Variants in UBE2E2 observed in about 807,000 individuals in gnomAD.
UBE2E2 encodes ubiquitin-conjugating enzyme E2 E2.
In UBE2E2, 6 loss-of-function variants were observed where a neutral mutation model predicts 24.7. That is an observed-to-expected ratio of 0.24 (90% confidence interval 0.13 to 0.48). The LOEUF (loss-of-function observed/expected upper bound fraction) is 0.48, where lower values mean the gene tolerates loss of function less well. Ranked by LOEUF, UBE2E2 falls within the 20% of genes least tolerant of loss-of-function variation. The pLI is 0.99. For synonymous variants in UBE2E2, 104 were observed against 83.6 expected (o/e 1.24, Z -1.33); for missense variants, 169 against 245.0 (o/e 0.69, Z 2.07).
At chr3:23,323,547 C>G (rs1694803486) in intron 3 of UBE2E2, 3 of 452,400 alleles carry the variant, frequency 6.6e-6, no homozygotes, top group Non-Finnish European at 1.3e-5. Context: ...AATGCTCATT[C>G]AATTCTCAAT....
rs1194719248 is a variant in UBE2E2 at position 23,591,147 on chromosome 3, G to C, written c.*1316G>C. 1.3e-5 allele frequency: 2 copies of C among 152,174 alleles called. No individual in the cohort carries two copies. Among genetic ancestry groups the C allele is most frequent in the Non-Finnish European group, 2.9e-5 (2 of 68,042 alleles). The allele number at this position is 152,174 out of a possible 1,614,324, so 9.4% of individuals were successfully genotyped here. On this transcript the variant is annotated 3_prime_UTR_variant, in exon 6 of 6. Coordinates refer to ENST00000396703, the MANE Select transcript of UBE2E2 (RefSeq NM_152653.4). ...AGGAGGCAGAGGAAACGTGGGTGGT[G>C]TAGTTTCTAAAACACGCTGACTTGC...
intron 3 of UBE2E2, among the ~76,000 whole-genome samples, chr3:23,269,506 G>T (rs1698173874): frequency 6.6e-6 from 1 of 152,224 alleles, no homozygotes; most frequent in Non-Finnish European, 1.5e-5. Flanking sequence ...AAGGATCACA[G>T]TCTGCCAGGA....
chr3:23,252,893 T>C (rs1697613317), intron 3 of UBE2E2, among the ~76,000 whole-genome samples: 1 of 152,238 alleles, frequency 6.6e-6, no homozygotes, highest in African/African-American at 2.4e-5. Context: ...GAGTGTATTT[T>C]ACTTTCATAT....
chr3:23,304,138 C>T (rs1274617346), intron 3 of UBE2E2, among the ~76,000 whole-genome samples: 1 of 152,104 alleles, frequency 6.6e-6, no homozygotes, highest in Non-Finnish European at 1.5e-5. Context: ...CACTGTTTAC[C>T]TTGTATAAGA....
intron 4 of UBE2E2, among the ~76,000 whole-genome samples, chr3:23,530,272 A>G (rs752124968): frequency 5.9e-5 from 9 of 152,140 alleles, no homozygotes; most frequent in Non-Finnish European, 1.0e-4. Flanking sequence ...TGTTTATCCA[A>G]TTGTTCAGAT....
intron 3 of UBE2E2, among the ~76,000 whole-genome samples, chr3:23,420,770 A>G (rs1697776486): frequency 1.3e-5 from 2 of 152,194 alleles, no homozygotes; most frequent in South Asian, 2.1e-4. Context: ...TGCCTCTTTC[A>G]GGAAGCCTTT....
chr3:23,253,020 T>C (rs1343285644), intron 3 of UBE2E2, among the ~76,000 whole-genome samples: 1 of 152,202 alleles, frequency 6.6e-6, no homozygotes, highest in African/African-American at 2.4e-5. Flanking sequence ...ATGCTTAGCA[T>C]GTGAAAGATA....
chr3:23,310,046 A>T (rs894975410), intron 3 of UBE2E2, among the ~76,000 whole-genome samples: 1 of 152,184 alleles, frequency 6.6e-6, no homozygotes, highest in African/African-American at 2.4e-5. Flanking sequence ...GAAATCACTA[A>T]GACGGGCCCA....
intron 3 of UBE2E2, among the ~76,000 whole-genome samples, chr3:23,327,372 G>A (rs1228544225): frequency 1.3e-5 from 2 of 152,108 alleles, no homozygotes; most frequent in African/African-American, 2.4e-5. Flanking sequence ...CATTCTAACT[G>A]GTGTGAGATG....
intron 3 of UBE2E2, among the ~76,000 whole-genome samples, chr3:23,244,202 A>G (rs1002724664): frequency 1.2e-4 from 19 of 152,142 alleles, no homozygotes; most frequent in African/African-American, 4.6e-4. Context: ...AAAGAAACAT[A>G]CTTAGGAGAA....
intron 3 of UBE2E2, among the ~76,000 whole-genome samples, chr3:23,351,365 G>A (rs1305762398): frequency 2.0e-5 from 3 of 152,044 alleles, no homozygotes; most frequent in African/African-American, 4.8e-5. Flanking sequence ...CATAATGACG[G>A]GATCAAATTC....
intron 3 of UBE2E2, among the ~76,000 whole-genome samples, chr3:23,223,524 A>G (rs577572773): frequency 1.8e-4 from 27 of 152,024 alleles, no homozygotes; most frequent in African/African-American, 6.0e-4. Context: ...ATATATATAT[A>G]TTTGCTGTCA....
chr3:23,524,337 A>T (rs1411368679), intron 4 of UBE2E2, among the ~76,000 whole-genome samples: 2 of 152,164 alleles, frequency 1.3e-5, no homozygotes, highest in Non-Finnish European at 2.9e-5. Flanking sequence ...AGTTAATCTT[A>T]TAACTAGTAA....
intron 3 of UBE2E2, among the ~76,000 whole-genome samples, chr3:23,427,080 G>A (rs1697943667): frequency 6.6e-6 from 1 of 151,962 alleles, no homozygotes; most frequent in Non-Finnish European, 1.5e-5. Context: ...GCTTCGATTA[G>A]TTTTAAAGGT....
chr3:23,411,899 C>T (rs1429723214), intron 3 of UBE2E2, among the ~76,000 whole-genome samples: 3 of 151,954 alleles, frequency 2.0e-5, no homozygotes, highest in African/African-American at 4.8e-5. Flanking sequence ...ATTTATTAAC[C>T]ATGAGTTATT....
intron 5 of UBE2E2, among the ~76,000 whole-genome samples, chr3:23,585,047 G>A (rs1456298109): frequency 6.6e-6 from 1 of 152,046 alleles, no homozygotes; most frequent in African/African-American, 2.4e-5. Context: ...TTTCATTCAG[G>A]TTATTATTTT....
At chr3:23,416,586 G>T (rs960969126) in intron 3 of UBE2E2, among the ~76,000 whole-genome samples, 2 of 152,114 alleles carry the variant, frequency 1.3e-5, no homozygotes, top group African/African-American at 4.8e-5. Context: ...TCTTGAATTT[G>T]AATGTTGGCC....
chr3:23,535,258 C>A (rs1046183387), intron 5 of UBE2E2, among the ~76,000 whole-genome samples: 2 of 152,278 alleles, frequency 1.3e-5, no homozygotes, highest in East Asian at 3.9e-4. Flanking sequence ...ATGTGAAAGC[C>A]ATTTATAAAT....
intron 3 of UBE2E2, among the ~76,000 whole-genome samples, chr3:23,428,810 G>A (rs1433839859): frequency 6.6e-6 from 1 of 151,098 alleles, no homozygotes; most frequent in African/African-American, 2.4e-5. Context: ...AAATAGCCTG[G>A]TGCCACCACA....
Sources: allele counts gnomAD v4.1 joint callset (sites outside exome capture counted in the v4.1 genomes callset), GRCh38; gene constraint gnomAD v4.1.1; transcripts MANE v1.5; gene names NCBI Gene and HGNC (gene_info 2026-07-23, HGNC 2026-07-21).